Variants in CNTNAP5 observed in about 807,000 individuals in gnomAD.
The protein encoded by CNTNAP5 is contactin-associated protein-like 5.
CNTNAP5 carries 72 observed loss-of-function variants against 150.2 expected under a neutral mutation model. The ratio of observed to expected loss-of-function variants is 0.48; its 90% CI spans 0.40 to 0.58. CNTNAP5 has a LOEUF of 0.58. CNTNAP5 is among the 20% of genes least tolerant of loss of function. CNTNAP5 has a pLI of 0.00. For synonymous variants in CNTNAP5, 672 were observed against 619.8 expected (o/e 1.08, Z -1.25); for missense variants, 1,636 against 1,626.2 (o/e 1.01, Z -0.10).
At chr2:124,214,137 T>C (rs1686093930) in intron 1 of CNTNAP5, among the ~76,000 whole-genome samples, 2 of 152,178 alleles carry the variant, frequency 1.3e-5, no homozygotes, top group Non-Finnish European at 2.9e-5. Flanking sequence ...GCTGTTGCAG[T>C]GACTGTGAGC....
chr2:124,691,246 G>T (rs1267096108), intron 13 of CNTNAP5, among the ~76,000 whole-genome samples: 1 of 152,006 alleles, frequency 6.6e-6, no homozygotes, highest in Admixed American at 6.6e-5. Context: ...TGGGTGTAGG[G>T]GTTTTATGAC....
chr2:124,193,775 A>G (rs1020948213), intron 1 of CNTNAP5, among the ~76,000 whole-genome samples: 9 of 152,148 alleles, frequency 5.9e-5, no homozygotes, highest in Non-Finnish European at 1.0e-4. Flanking sequence ...CTCCTGTTAA[A>G]TCTTCTGAAT....
intron 3 of CNTNAP5, among the ~76,000 whole-genome samples, chr2:124,322,096 G>T (rs1462556283): frequency 1.3e-5 from 2 of 151,942 alleles, no homozygotes; most frequent in Non-Finnish European, 2.9e-5. Context: ...GTTGCAGTGA[G>T]CCAAGATTGC....
intron 19 of CNTNAP5, among the ~76,000 whole-genome samples, chr2:124,841,669 G>A (rs1250859272): frequency 6.6e-6 from 1 of 152,048 alleles, no homozygotes; most frequent in Non-Finnish European, 1.5e-5. Flanking sequence ...TGAGTGTCAT[G>A]GGAGAAAGTC....
intron 19 of CNTNAP5, among the ~76,000 whole-genome samples, chr2:124,816,129 A>G (rs1321166159): frequency 1.3e-5 from 2 of 152,202 alleles, no homozygotes; most frequent in African/African-American, 4.8e-5. Flanking sequence ...GGGTTCTTGT[A>G]TTAGTTTTCT....
intron 14 of CNTNAP5, 118 bp from the exon 15 acceptor site, chr2:124,763,552 CCT>C: frequency 1.2e-6 from 1 of 841,114 alleles, no homozygotes; most frequent in Non-Finnish European, 1.8e-6. Context: ...CTGTTTTCCC[CCT>C]CTCTGCCCCT....
At chr2:124,240,379 C>T (rs1573859915) in intron 2 of CNTNAP5, among the ~76,000 whole-genome samples, 1 of 152,246 alleles carries the variant, frequency 6.6e-6, no homozygotes, top group South Asian at 2.1e-4. Flanking sequence ...AGCACGCTAG[C>T]CTGGAAGTGG....
chr2:124,800,348 T>A (rs1276095303), intron 19 of CNTNAP5, among the ~76,000 whole-genome samples: 1 of 152,020 alleles, frequency 6.6e-6, no homozygotes, highest in Non-Finnish European at 1.5e-5. Flanking sequence ...ATAATGAATA[T>A]AATTGTATCA....
intron 6 of CNTNAP5, among the ~76,000 whole-genome samples, chr2:124,458,279 T>A (rs1458578449): frequency 1.5e-5 from 1 of 68,378 alleles, no homozygotes; most frequent in Non-Finnish European, 2.7e-5. Flanking sequence ...ATATAATATA[T>A]ATAATGTAAT....
intron 3 of CNTNAP5, among the ~76,000 whole-genome samples, chr2:124,244,449 C>G (rs1231523406): frequency 6.6e-6 from 1 of 152,094 alleles, no homozygotes; most frequent in Non-Finnish European, 1.5e-5. Flanking sequence ...TCCCAAACAG[C>G]CTTGACATGG....
At chr2:124,636,685 C>A (rs947849467) in intron 12 of CNTNAP5, among the ~76,000 whole-genome samples, 3 of 151,696 alleles carry the variant, frequency 2.0e-5, no homozygotes, top group African/African-American at 7.3e-5. Flanking sequence ...TGTGTTGGTG[C>A]TGTTATAAAA....
chr2:124,564,543 A>C (rs1695969402), intron 11 of CNTNAP5, among the ~76,000 whole-genome samples: 1 of 151,962 alleles, frequency 6.6e-6, no homozygotes, highest in Non-Finnish European at 1.5e-5. Context: ...TTTGGTGGAG[A>C]TGGGGTTTCA....
chr2:124,164,066 G>T (rs1684752939), intron 1 of CNTNAP5, among the ~76,000 whole-genome samples: 1 of 151,996 alleles, frequency 6.6e-6, no homozygotes. Flanking sequence ...TTGTGTTTCT[G>T]GCTCTGAAAA....
intron 21 of CNTNAP5, among the ~76,000 whole-genome samples, chr2:124,884,293 G>C (rs1678034734): frequency 6.6e-6 from 1 of 151,998 alleles, no homozygotes; most frequent in Admixed American, 6.6e-5. Flanking sequence ...GCATGTCTCT[G>C]TGTGTGCATT....
At chr2:124,710,114 G>A (rs867710282) in intron 13 of CNTNAP5, among the ~76,000 whole-genome samples, 2 of 151,864 alleles carry the variant, frequency 1.3e-5, no homozygotes, top group Non-Finnish European at 1.5e-5. Context: ...TGTTTATGCC[G>A]AGATGATGGT....
chr2:124,438,364 A>G (rs1692588007), intron 5 of CNTNAP5, among the ~76,000 whole-genome samples: 1 of 152,194 alleles, frequency 6.6e-6, no homozygotes, highest in African/African-American at 2.4e-5. Flanking sequence ...ATGCAGGTAG[A>G]GAATCAAAGA....
intron 6 of CNTNAP5, among the ~76,000 whole-genome samples, chr2:124,449,559 T>A (rs1409114072): frequency 1.3e-5 from 2 of 152,160 alleles, no homozygotes; most frequent in Non-Finnish European, 2.9e-5. Context: ...TATAAAATCA[T>A]AGCTGAGTGA....
intron 2 of CNTNAP5, among the ~76,000 whole-genome samples, chr2:124,228,620 T>A (rs972911413): frequency 6.6e-6 from 1 of 152,202 alleles, no homozygotes; most frequent in Non-Finnish European, 1.5e-5. Flanking sequence ...TAAATAATTG[T>A]TAAATGGATT....
rs577795743 is a variant in CNTNAP5 at position 124,025,524 on chromosome 2, C to A, written c.-127C>A. On this transcript the variant is annotated 5_prime_UTR_variant, in exon 1 of 24. Transcript: ENST00000682447. Reference sequence around the variant, plus strand: ...CTGGGCACGGGATGGAGTGAAAGAGCGAGTGCCTCTCCAAGCGGGGGTGGG... The same window carrying A: ...CTGGGCACGGGATGGAGTGAAAGAGAGAGTGCCTCTCCAAGCGGGGGTGGG... 108 of 734,084 alleles carry A rather than the reference C, an allele frequency of 1.5e-4. No homozygotes were observed. The East Asian group carries it at 2.6e-3, about 18-fold the overall frequency. 45.5% of individuals were successfully genotyped at this position (734,084 alleles called of 1,614,324 possible).
Sources: allele counts gnomAD v4.1 joint callset (sites outside exome capture counted in the v4.1 genomes callset), GRCh38; gene constraint gnomAD v4.1.1; transcripts MANE v1.5; gene names NCBI Gene and HGNC (gene_info 2026-07-23, HGNC 2026-07-21).